The following SYNE2 variants were observed in gnomAD, a reference collection of about 807,000 sequenced individuals.
SYNE2 encodes the protein nesprin-2.
A neutral mutation model predicts 856.3 loss-of-function variants in SYNE2; 431 were observed. The observed-to-expected ratio is 0.50, with a 90% CI of 0.47 to 0.55. SYNE2 has a LOEUF of 0.55. SYNE2 is among the 20% of genes least tolerant of loss of function. The probability of loss-of-function intolerance (pLI) is 0.00; values close to 1 mark genes in which losing one functional copy is unlikely to be tolerated. For synonymous variants in SYNE2, 2,923 were observed against 2,872.3 expected, an observed-to-expected ratio of 1.02 and a Z score of -0.56; for missense variants, 8,129 against 8,023.2, an observed-to-expected ratio of 1.01 and a Z score of -0.50.
At chr14:63,949,244 C>T (rs2096109750) in intron 6 of SYNE2, among the ~76,000 whole-genome samples, 1 of 152,106 alleles carries the variant, frequency 6.6e-6, no homozygotes, top group Non-Finnish European at 1.5e-5. Context: ...CATACTTTCA[C>T]CATCACTGGG....
chr14:64,140,085 T>C lies in SYNE2; in HGVS notation c.14976+12T>C. The C allele has an allele frequency of 1.2e-6, 2 of 1,611,334 alleles. No individual in the cohort carries two copies. The highest frequency in any genetic ancestry group is 1.3e-5 in the African/African-American group (1 of 74,984). On this transcript the variant is annotated intron_variant, in intron 80 of 115. Transcript: ENST00000555002. ...TCAACAATTTTTTTGTAAGTTGTAA[T>C]AGCATATGTTCAGTTAATTACTGGT...
In SYNE2 at chr14:64,122,274, C is replaced by G. The variant is rs1342750537; in HGVS notation, c.13281-12C>G. 1.2e-6 allele frequency: 2 copies of G among 1,614,090 alleles called. No homozygotes were observed. Among genetic ancestry groups the G allele is most frequent in the Admixed American group, 1.7e-5 (1 of 60,014 alleles). On this transcript the variant is annotated splice_polypyrimidine_tract_variant and intron_variant, in intron 69 of 115. Transcript: ENST00000555002. ...TTGATTATTCTCTTCACCTTTTGTT[C>G]TTCTTCAAAAGCAACCAGGCATCCA...
Position 63,995,196 on chromosome 14 carries a change from A to G in SYNE2, c.2934A>G (p.Glu978=), listed in dbSNP as rs34001379. ...GAAGGACCAAGGGTCTCATCAAAGA[A>G]CATGAGGTACAATAAAGTGTTTCCA... The part of the protein sequence containing the change: ...RRGRTKGLIK[E]HEACFSEEGC... The change falls in exon 23 of 116, where the codon GAA becomes GAG. Residue 978 remains glutamate, a synonymous_variant. Coordinates refer to ENST00000555002, the MANE Select transcript of SYNE2 (RefSeq NM_182914.3). 1.1e-3 allele frequency: 1,777 copies of G among 1,606,002 alleles called. 23 individuals carry two copies. The African/African-American group carries it at 0.022, about 19-fold the overall frequency.
At chr14:63,984,412 G>A (rs1343983171) in intron 18 of SYNE2, among the ~76,000 whole-genome samples, 6 of 152,196 alleles carry the variant, frequency 3.9e-5, no homozygotes, top group African/African-American at 1.4e-4. Context: ...CAGACACACA[G>A]AGCAGTCCTG....
chr14:63,936,417 G>A (rs1230075011), intron 2 of SYNE2, among the ~76,000 whole-genome samples: 1 of 152,110 alleles, frequency 6.6e-6, no homozygotes, highest in African/African-American at 2.4e-5. Context: ...CGGGAGTTGG[G>A]GGTGTTACAA....
intron 1 of SYNE2, among the ~76,000 whole-genome samples, chr14:63,842,166 G>T (rs1157560644): frequency 6.6e-6 from 1 of 150,492 alleles, no homozygotes; most frequent in South Asian, 2.1e-4. Flanking sequence ...CTTTTTGTTT[G>T]TTTGTTTGTT....
chr14:63,921,045 G>A (rs2095594871), intron 2 of SYNE2, among the ~76,000 whole-genome samples: 1 of 152,184 alleles, frequency 6.6e-6, no homozygotes, highest in African/African-American at 2.4e-5. Context: ...AACCTGGGAG[G>A]TGGAAGCTGC....
At position 63,998,992 on chromosome 14, in the gene SYNE2, A is replaced by G. The variant is rs1443681355; in HGVS notation, c.3432A>G (p.Glu1144=). The stretch of plus-strand genomic sequence containing the variant: ...GGATTACTTCTGATTTCTCTAGTGA[A>G]GAGGACAGGAGTAGTTCTTGTCTGC... ...KFRITSDFSS[E]EDRSSSCLQA... The change falls in exon 27 of 116, where the codon GAA becomes GAG. Residue 1144 remains glutamate, a synonymous_variant. Coordinates refer to ENST00000555002, the MANE Select transcript of SYNE2 (RefSeq NM_182914.3). 1.2e-6 allele frequency: 2 copies of G among 1,614,080 alleles called. No homozygotes were observed. Among genetic ancestry groups the G allele is most frequent in the Admixed American group, 3.3e-5 (2 of 60,028 alleles).
intron 79 of SYNE2, among the ~76,000 whole-genome samples, chr14:64,139,194 G>T (rs915637618): frequency 6.6e-6 from 1 of 151,564 alleles, no homozygotes; most frequent in Non-Finnish European, 1.5e-5. Flanking sequence ...TGTTGCCCAG[G>T]CTGGTCTCAA....
At chr14:63,990,303 G>C (rs2096657377) in intron 19 of SYNE2, 108 bp from the exon 20 acceptor site, 1 of 1,093,254 alleles carries the variant, frequency 9.1e-7, no homozygotes, top group Admixed American at 2.4e-5. Flanking sequence ...AAATTTGCCT[G>C]ATTTTGGATT....
Position 64,214,470 on chromosome 14 carries a change from G to A in SYNE2, c.19333G>A (p.Asp6445Asn). The change falls in exon 106 of 116, where the codon GAT becomes AAT. Residue 6445 changes from aspartate to asparagine, a missense_variant and splice_region_variant. Physicochemically the swap from Asp to Asn is conservative, Grantham distance 23. This residue lies in a region of SYNE2 where 5,410 missense variants were observed against 5,284.8 expected (regional missense o/e 1.02). Coordinates refer to ENST00000555002, the MANE Select transcript of SYNE2 (RefSeq NM_182914.3). Reference protein sequence around the residue: ...EEGPYYSALSDVEIPENPEAY... With the variant: ...EEGPYYSALSNVEIPENPEAY... ...GGGCCCATACTACAGCGCACTGTCA[G>A]GTAACAGCTGGGTTCCCAGCACCCT... 1 of 1,610,964 alleles carries A rather than the reference G, an allele frequency of 6.2e-7. No individual in the cohort carries two copies. Among genetic ancestry groups the A allele is most frequent in the Non-Finnish European group, 8.5e-7 (1 of 1,179,538 alleles).
intron 2 of SYNE2, among the ~76,000 whole-genome samples, chr14:63,930,285 CAAAAAA>C (rs1328534376): frequency 1.5e-5 from 1 of 65,164 alleles, no homozygotes; most frequent in East Asian, 4.5e-4. Context: ...GACCCTGTCT[CAAAAAA>C]AAAAAAAAAA....
chr14:64,207,111 C>T (rs1469451338), intron 100 of SYNE2, among the ~76,000 whole-genome samples: 2 of 152,164 alleles, frequency 1.3e-5, no homozygotes, highest in South Asian at 2.1e-4. Flanking sequence ...CACAGGGTGG[C>T]CAAGTGGAAA....
At chr14:64,104,917 A>C (rs529446343) in intron 64 of SYNE2, among the ~76,000 whole-genome samples, 13 of 151,900 alleles carry the variant, frequency 8.6e-5, no homozygotes, top group Non-Finnish European at 1.2e-4. Flanking sequence ...AGTTTCTCCA[A>C]CTCAAACCTA....
chr14:63,824,498 G>T (rs1292660727), intron 1 of SYNE2, among the ~76,000 whole-genome samples: 1 of 152,094 alleles, frequency 6.6e-6, no homozygotes, highest in African/African-American at 2.4e-5. Context: ...AATCAGCTGG[G>T]TGTGGTGGCA....
chr14:63,942,287 A>C, intron 6 of SYNE2, 144 bp downstream of exon 6: 2 of 662,376 alleles, frequency 3.0e-6, no homozygotes, highest in Non-Finnish European at 5.3e-6. Context: ...GGTAGAAAAT[A>C]ATAGCAGACT....
chr14:64,023,694 ACTAT>A (rs1284347820), intron 38 of SYNE2: 7 of 175,048 alleles, frequency 4.0e-5, no homozygotes, highest in Admixed American at 1.1e-4. Flanking sequence ...TTTAGGGTAG[ACTAT>A]CTATTACTTT....
chr14:64,039,890 G>T (rs1390280134), intron 45 of SYNE2, among the ~76,000 whole-genome samples: 2 of 152,166 alleles, frequency 1.3e-5, no homozygotes, highest in African/African-American at 4.8e-5. Flanking sequence ...TGAAAAGCTT[G>T]TACCTTTGGG....
At position 64,104,139 on chromosome 14, in the gene SYNE2, G is replaced by A. The variant is rs1400163168; in HGVS notation, c.12492+2097G>A. 2.6e-5 allele frequency among the ~76,000 whole-genome samples: 4 copies of A among 152,028 alleles called. No homozygotes were observed. The East Asian group carries it at 5.8e-4, about 22-fold the overall frequency. The stretch of plus-strand genomic sequence containing the variant: ...CATTTGCTACTGAAGGTCTTTCCTT[G>A]GTGTTCTACTCCCTCGGCCCCTTTT... On this transcript the variant is annotated intron_variant, in intron 64 of 115. Transcript: ENST00000555002.
Sources: allele counts gnomAD v4.1 joint callset (sites outside exome capture counted in the v4.1 genomes callset), GRCh38; gene constraint gnomAD v4.1.1; regional missense constraint gnomAD v4.1.1; transcripts MANE v1.5; gene names NCBI Gene and HGNC (gene_info 2026-07-23, HGNC 2026-07-21).